The following TRAPPC12 variants were observed in gnomAD, a reference collection of about 807,000 sequenced individuals.
The protein encoded by TRAPPC12 is TPR repeat protein 15.
In TRAPPC12, 61 loss-of-function variants were observed where a neutral mutation model predicts 69.2. That is an observed-to-expected ratio of 0.88 (90% confidence interval 0.72 to 1.09). TRAPPC12 has a LOEUF of 1.09. Among genes scored for constraint, TRAPPC12 ranks in the 50% least tolerant of loss-of-function variants. TRAPPC12 has a pLI of 0.00. For synonymous variants in TRAPPC12, 469 were observed against 438.9 expected, an observed-to-expected ratio of 1.07 and a Z score of -0.86; for missense variants, 1,101 against 1,016.4, an observed-to-expected ratio of 1.08 and a Z score of -1.13.
chr2:3,414,186 A>G lies in TRAPPC12; in HGVS notation c.1165-7695A>G, dbSNP rs1662211821. Among the ~76,000 whole-genome samples the G allele has an allele frequency of 6.6e-6, 1 of 152,194 alleles. No individual in the cohort carries two copies. Among genetic ancestry groups the G allele is most frequent in the Non-Finnish European group, 1.5e-5 (1 of 68,038 alleles). On this transcript the variant is annotated intron_variant, in intron 3 of 11. Transcript: ENST00000324266. This position sits in a 1 kb window ranked among gnomAD's most constrained non-coding sequence, Gnocchi z 4.9. ...ATATAATTAATTTTTAGCACATAGTATGTTGCATATGTGATTTAATTATAT... is the reference window on the plus strand; with the variant it reads ...ATATAATTAATTTTTAGCACATAGTGTGTTGCATATGTGATTTAATTATAT...
intron 10 of TRAPPC12, 49 bp downstream of exon 10, chr2:3,477,844 G>C: frequency 7.5e-7 from 1 of 1,336,688 alleles, no homozygotes; most frequent in Non-Finnish European, 1.0e-6. Context: ...TCCCAGAGGC[G>C]TTCAAGCCCC....
intron 1 of TRAPPC12, among the ~76,000 whole-genome samples, chr2:3,387,079 C>T (rs1660527862): frequency 6.6e-6 from 1 of 152,148 alleles, no homozygotes; most frequent in Admixed American, 6.5e-5. Flanking sequence ...TTTGTACAGC[C>T]ACGTTCATTG....
intron 3 of TRAPPC12, among the ~76,000 whole-genome samples, chr2:3,406,668 C>T (rs1661750419): frequency 6.6e-6 from 1 of 152,236 alleles, no homozygotes; most frequent in Admixed American, 6.5e-5. Context: ...GGCCCATGCT[C>T]TGTTCCCAAG....
chr2:3,424,650 C>T lies in TRAPPC12; in HGVS notation c.1404C>T (p.Tyr468=), dbSNP rs1558372198. The stretch of plus-strand genomic sequence containing the variant: ...ATTACGAGTACTACCCGCACGTGTA[C>T]CCTGGGCGCAGGGGTAAGGCCATGG... The part of the protein sequence containing the change: ...DLYYEYYPHV[Y]PGRRGSMVPF... Residue 468 remains tyrosine (Y), a synonymous_variant, in exon 5 of 12, where the codon TAC becomes TAT. Transcript: ENST00000324266. The T allele has an allele frequency of 1.2e-6, 2 of 1,609,522 alleles. No individual in the cohort carries two copies. The highest frequency in any genetic ancestry group is 1.3e-5 in the African/African-American group (1 of 74,732).
At chr2:3,415,780 G>A (rs556622331) in intron 3 of TRAPPC12, among the ~76,000 whole-genome samples, 1 of 149,316 alleles carries the variant, frequency 6.7e-6, no homozygotes, top group South Asian at 2.1e-4. Context: ...ACAGTGGTGC[G>A]ATCTCAGCTC....
intron 5 of TRAPPC12, among the ~76,000 whole-genome samples, chr2:3,433,443 G>C (rs983677257): frequency 6.6e-6 from 1 of 152,220 alleles, no homozygotes; most frequent in Admixed American, 6.5e-5. Flanking sequence ...TGTCACACCT[G>C]CTGCGGCCTC....
rs747005020 is a variant in TRAPPC12, at chr2:3,388,629, G to A, written c.1006G>A (p.Glu336Lys). The change falls in exon 2 of 12, where the codon GAG (glutamate) becomes AAG (lysine). Residue 336 changes from glutamate (E) to lysine (K), a missense_variant. By Grantham distance (56) the Glu-to-Lys change is moderately conservative (BLOSUM62 1). Coordinates refer to ENST00000324266, the MANE Select transcript of TRAPPC12 (RefSeq NM_016030.6). ...GCGCGGCGCCGTGTTCGTGGACAAG[G>A]AGAACCTCACCATGCCGGGCCTCAG... ...QQRGAVFVDK[E>K]NLTMPGLRFD... 2.5e-6 allele frequency: 4 copies of A among 1,590,456 alleles called. No individual in the cohort carries two copies. The highest frequency in any genetic ancestry group is 3.4e-6 in the Non-Finnish European group (4 of 1,166,814).
At chr2:3,409,064 T>G (rs1661891377) in intron 3 of TRAPPC12, among the ~76,000 whole-genome samples, 2 of 152,204 alleles carry the variant, frequency 1.3e-5, no homozygotes, top group African/African-American at 4.8e-5. Context: ...ACAGCTGTCT[T>G]GCAGCCCAGT....
chr2:3,461,767 G>C (rs1452859340), intron 8 of TRAPPC12, among the ~76,000 whole-genome samples: 1 of 122,836 alleles, frequency 8.1e-6, no homozygotes, highest in African/African-American at 3.2e-5. Flanking sequence ...TCTGGCTTCT[G>C]CAGCAGGGCT....
chr2:3,416,267 C>T (rs1012773193), intron 3 of TRAPPC12, among the ~76,000 whole-genome samples: 3 of 152,106 alleles, frequency 2.0e-5, no homozygotes, highest in African/African-American at 7.2e-5. Context: ...CCCCACCAGC[C>T]CAGCCTGCCT....
chr2:3,452,098 A>T (rs1664881022), intron 6 of TRAPPC12, among the ~76,000 whole-genome samples: 1 of 152,130 alleles, frequency 6.6e-6, no homozygotes, highest in Non-Finnish European at 1.5e-5. Flanking sequence ...TGCAGTTAAG[A>T]TGGTGACCGC....
At chr2:3,422,236 G>A (rs1356506089) in intron 4 of TRAPPC12, among the ~76,000 whole-genome samples, 4 of 152,166 alleles carry the variant, frequency 2.6e-5, no homozygotes, top group African/African-American at 9.7e-5. Flanking sequence ...TGGTGGAACC[G>A]GCATGGCTTT....
At chr2:3,402,824 C>T (rs1369462163) in intron 3 of TRAPPC12, among the ~76,000 whole-genome samples, 1 of 152,196 alleles carries the variant, frequency 6.6e-6, no homozygotes, top group Non-Finnish European at 1.5e-5. Flanking sequence ...CGAATCTCAG[C>T]TCCCCAGTGT....
At chr2:3,473,335 G>A (rs547828127) in intron 9 of TRAPPC12, among the ~76,000 whole-genome samples, 60 of 152,318 alleles carry the variant, frequency 3.9e-4, no homozygotes, top group Non-Finnish European at 6.6e-4. Flanking sequence ...TCTTTTATTC[G>A]TTTATGTACA....
chr2:3,478,738 A>G, intron 10 of TRAPPC12, 108 bp from the exon 11 acceptor site: 1 of 911,308 alleles, frequency 1.1e-6, no homozygotes, highest in East Asian at 2.5e-5. Context: ...CGGGCCACAC[A>G]GGGCCATACG....
In TRAPPC12 at chr2:3,457,603, C is replaced by T. The variant is rs182967701; in HGVS notation, c.1531-18C>T. 97 of 1,611,412 alleles carry T rather than the reference C, an allele frequency of 6.0e-5. No individual in the cohort carries two copies. The African/African-American group carries it at 1.2e-3, about 19-fold the overall frequency. On this transcript the variant is annotated intron_variant, in intron 6 of 11. Coordinates refer to ENST00000324266, the MANE Select transcript of TRAPPC12 (RefSeq NM_016030.6). ...TTGGTTCCCATGATTTTGTCCTTCT[C>T]ATTTGGAATGATTGCAGATCCTGGC... is the stretch of plus-strand genomic sequence containing the variant.
At chr2:3,442,699 A>G (rs1006071602) in intron 5 of TRAPPC12, among the ~76,000 whole-genome samples, 4 of 152,186 alleles carry the variant, frequency 2.6e-5, no homozygotes, top group Non-Finnish European at 5.9e-5. Flanking sequence ...GACCTTTGTT[A>G]TTAAAGACCA....
chr2:3,391,528 C>G (rs1660824672), intron 2 of TRAPPC12, among the ~76,000 whole-genome samples: 2 of 152,146 alleles, frequency 1.3e-5, no homozygotes, highest in South Asian at 4.1e-4. Context: ...GCAGTCTTTC[C>G]AGAATGTTCA....
At chr2:3,434,793 T>G (rs2103079919) in intron 5 of TRAPPC12, among the ~76,000 whole-genome samples, 1 of 152,346 alleles carries the variant, frequency 6.6e-6, no homozygotes, top group South Asian at 2.1e-4. Flanking sequence ...AATGTTTGTT[T>G]ACTTGATAAC....
Sources: allele counts gnomAD v4.1 joint callset (sites outside exome capture counted in the v4.1 genomes callset), GRCh38; gene constraint gnomAD v4.1.1; non-coding constraint Gnocchi (gnomAD v3.1); transcripts MANE v1.5; gene names NCBI Gene and HGNC (gene_info 2026-07-23, HGNC 2026-07-21).